AKTIP: variants seen among roughly 807,000 people sequenced by gnomAD.
The protein encoded by AKTIP is AKT-interacting protein.
Under a neutral mutation model 39.1 loss-of-function variants are expected in AKTIP, and 16 were observed. That is an observed-to-expected ratio of 0.41 (90% CI 0.28 to 0.62). The LOEUF is 0.62. Among genes scored for constraint, AKTIP ranks in the 20% least tolerant of loss-of-function variants. The pLI is 0.32. For synonymous variants in AKTIP, 93 were observed against 124.3 expected (o/e 0.75, Z 1.67); for missense variants, 262 against 356.6 (o/e 0.73, Z 2.14).
intron 8 of AKTIP, 142 bp from the exon 9 acceptor site, chr16:53,492,895 TTATC>T (rs1263358759): frequency 5.8e-6 from 4 of 685,316 alleles, no homozygotes; most frequent in Non-Finnish European, 1.0e-5. Context: ...GTTTTAGACA[TTATC>T]TAATTAATTT....
chr16:53,492,622 CA>C, intron 9 of AKTIP, 70 bp downstream of exon 9: 1 of 1,596,792 alleles, frequency 6.3e-7, no homozygotes, highest in Non-Finnish European at 8.6e-7. Context: ...ATGTAATGAG[CA>C]GTCTCCAAAT....
chr16:53,496,379 C>G (rs1160285152), intron 3 of AKTIP, among the ~76,000 whole-genome samples: 1 of 151,990 alleles, frequency 6.6e-6, no homozygotes, highest in East Asian at 1.9e-4. Context: ...CATTATAGAG[C>G]CAAAGGGGCC....
chr16:53,500,315 C>A lies in AKTIP; in HGVS notation c.-56G>T. ...GTGTATCATCCAAATCTTCTGTCTT[C>A]GGCATTCACTTTACCTTAAAACAAG... On this transcript the variant is annotated 5_prime_UTR_variant, in exon 2 of 10. Coordinates refer to ENST00000394657, the MANE Select transcript of AKTIP (RefSeq NM_022476.4). 11 of 1,597,238 alleles carry A rather than the reference C, an allele frequency of 6.9e-6. No homozygotes were observed. In the South Asian group the frequency reaches 1.3e-4, roughly 18 times the overall value.
chr16:53,499,997 T>C (rs1369765419), intron 2 of AKTIP, among the ~76,000 whole-genome samples: 1 of 152,192 alleles, frequency 6.6e-6, no homozygotes, highest in African/African-American at 2.4e-5. Context: ...AGAATTGTGA[T>C]GACCAGAACG....
chr16:53,494,455 G>C lies in AKTIP; in HGVS notation c.504-18C>G. ...GGTTCCGCCTAAAGGGAAACATGGCGTGATTACCGAGGCGTCCTCTTGCTG... is the reference window on the plus strand; with the variant it reads ...GGTTCCGCCTAAAGGGAAACATGGCCTGATTACCGAGGCGTCCTCTTGCTG... On this transcript the variant is annotated intron_variant, in intron 6 of 9. Transcript: ENST00000394657. 1 of 1,613,644 alleles carries C rather than the reference G, an allele frequency of 6.2e-7. No homozygotes were observed. The highest frequency in any genetic ancestry group is 8.5e-7 in the Non-Finnish European group (1 of 1,179,550).
At chr16:53,500,358 C>A in intron 1 of AKTIP, 29 bp from the exon 2 acceptor site, 2 of 1,459,942 alleles carry the variant, frequency 1.4e-6, no homozygotes, top group African/African-American at 1.4e-5. Context: ...GACATAGAAA[C>A]ATGCCAACAC....
chr16:53,500,182 A>T (rs758038193), intron 2 of AKTIP, 36 bp downstream of exon 2: 129 of 1,521,694 alleles, frequency 8.5e-5, no homozygotes, highest in Non-Finnish European at 1.1e-4. Context: ...ACAGAAGCAA[A>T]TGGGTTTTCT....
chr16:53,500,753 G>C (rs775297276), intron 1 of AKTIP, among the ~76,000 whole-genome samples: 4 of 152,094 alleles, frequency 2.6e-5, no homozygotes, highest in Non-Finnish European at 5.9e-5. Context: ...ATATAACAAG[G>C]GGTTATAAAA....
chr16:53,496,569 GC>G (rs1329588200), intron 3 of AKTIP, among the ~76,000 whole-genome samples: 1 of 143,650 alleles, frequency 7.0e-6, no homozygotes, highest in Non-Finnish European at 1.5e-5. Flanking sequence ...GATGTCTCAT[GC>G]CTGTAATCTC....
At position 53,494,208 on chromosome 16, in the gene AKTIP, C is replaced by T. The variant is rs773479084; in HGVS notation, c.640G>A (p.Val214Ile). The change falls in exon 8 of 10, where the codon GTT becomes ATT. Residue 214 changes from valine to isoleucine, a missense_variant. Coordinates refer to ENST00000394657, the MANE Select transcript of AKTIP (RefSeq NM_022476.4). ...GCAGTGCACACCTTAACACTGTCAA[C>T]AACTTTACTTTTAAAAAGCTGAATA... ...KDIQLFKSKV[V>I]DSVKVCTARL... 2 of 1,614,186 alleles carry T rather than the reference C, an allele frequency of 1.2e-6. No homozygotes were observed. Among genetic ancestry groups the T allele is most frequent in the Non-Finnish European group, 1.7e-6 (2 of 1,180,026 alleles).
intron 8 of AKTIP, chr16:53,493,133 G>C (rs750689835): frequency 1.8e-4 from 32 of 180,634 alleles, no homozygotes; most frequent in Non-Finnish European, 2.7e-4. Context: ...GCAGTGGTGT[G>C]ATCTCGGCTC....
intron 2 of AKTIP, among the ~76,000 whole-genome samples, chr16:53,499,666 TAGTC>T (rs1962054162): frequency 6.6e-6 from 1 of 152,048 alleles, no homozygotes; most frequent in South Asian, 2.1e-4. Context: ...TTCACCATGT[TAGTC>T]AGGATGGTCT....
intron 5 of AKTIP, 102 bp from the exon 6 acceptor site, chr16:53,494,707 G>T: frequency 8.7e-7 from 1 of 1,153,622 alleles, no homozygotes; most frequent in Non-Finnish European, 1.3e-6. Flanking sequence ...AGGCAGTCAC[G>T]TTATTTAAAG....
chr16:53,501,957 T>C (rs529641089), intron 1 of AKTIP, among the ~76,000 whole-genome samples: 1 of 152,308 alleles, frequency 6.6e-6, no homozygotes, highest in African/African-American at 2.4e-5. Context: ...AGACACTGAT[T>C]TTCAGATCTA....
chr16:53,498,649 A>G, intron 2 of AKTIP, 53 bp from the exon 3 acceptor site: 1 of 1,550,184 alleles, frequency 6.5e-7, no homozygotes, highest in Non-Finnish European at 8.9e-7. Context: ...TTAAATCACA[A>G]GAGTACATTA....
intron 8 of AKTIP, chr16:53,493,544 A>C (rs1198870222): frequency 6.5e-6 from 1 of 153,954 alleles, no homozygotes; most frequent in African/African-American, 2.4e-5. Flanking sequence ...TGACCTCGTG[A>C]TCCACCCACC....
At chr16:53,503,066 G>A (rs1017067537) in intron 1 of AKTIP, 81 bp downstream of exon 1, 1 of 151,778 alleles carries the variant, frequency 6.6e-6, no homozygotes, top group African/African-American at 2.4e-5. Context: ...GACAAATGCC[G>A]GGCCCGTGGA....
In AKTIP at chr16:53,498,397, G is replaced by A; in HGVS notation, c.242C>T (p.Ala81Val). ...GPFYLEYSLL[A>V]EFTLVVKQKL... ...TAGTTTGTTAAGGACTTACAATTCTGCAAGAAGAGAGTATTCCAGGTAGAA... is the reference window on the plus strand; with the variant it reads ...TAGTTTGTTAAGGACTTACAATTCTACAAGAAGAGAGTATTCCAGGTAGAA... Residue 81 changes from alanine (A) to valine (V), a missense_variant, in exon 3 of 10, where the codon GCA becomes GTA. Physicochemically the swap from Ala to Val is moderately conservative, Grantham distance 64 (BLOSUM62 0). Transcript: ENST00000394657. 1 of 1,613,748 alleles carries A rather than the reference G, an allele frequency of 6.2e-7. No individual in the cohort carries two copies. The highest frequency in any genetic ancestry group is 8.5e-7 in the Non-Finnish European group (1 of 1,179,644).
At chr16:53,494,871 C>A (rs1342530177) in intron 5 of AKTIP, 1 of 732,204 alleles carries the variant, frequency 1.4e-6, no homozygotes, top group South Asian at 1.5e-5. Flanking sequence ...AGGCAGCCAG[C>A]CTCCCTTGCA....
Sources: allele counts gnomAD v4.1 joint callset (sites outside exome capture counted in the v4.1 genomes callset), GRCh38; gene constraint gnomAD v4.1.1; transcripts MANE v1.5; gene names NCBI Gene and HGNC (gene_info 2026-07-23, HGNC 2026-07-21).